ZNF555: variants seen among roughly 807,000 people sequenced by gnomAD.
The protein encoded by ZNF555 is zinc finger protein 555.
ZNF555 carries 10 observed loss-of-function variants against 14.0 expected under a neutral mutation model. That is an observed-to-expected ratio of 0.72 (90% CI 0.44 to 1.21). The LOEUF is 1.21. ZNF555 is among the 50% of genes most tolerant of loss of function. The probability of loss-of-function intolerance (pLI) is 0.00; values close to 1 mark genes in which losing one functional copy is unlikely to be tolerated. For synonymous variants in ZNF555, 277 were observed against 262.4 expected, an observed-to-expected ratio of 1.06 and a Z score of -0.54; for missense variants, 747 against 762.0, an observed-to-expected ratio of 0.98 and a Z score of 0.23.
In ZNF555 at chr19:2,854,169, TTTTA is replaced by T; in HGVS notation, c.*222_*225del. 1 of 550,022 alleles carries T rather than the reference TTTTA, an allele frequency of 1.8e-6. No individual in the cohort carries two copies. The highest frequency in any genetic ancestry group is 3.1e-6 in the Non-Finnish European group (1 of 319,108). 34.1% of individuals were successfully genotyped at this position (550,022 alleles called of 1,614,324 possible). A position where few individuals can be genotyped will look rare whatever the true frequency, so the allele number is the denominator to read the frequency against. On this transcript the variant is annotated 3_prime_UTR_variant, in exon 4 of 4. Transcript: ENST00000334241. ...TTTTTAATATGCAAGTAGGTTCAAGTTTTATTTAATTTCTTAAATTGTAACTGAC... is the reference window on the plus strand; with the variant it reads ...TTTTTAATATGCAAGTAGGTTCAAGTTTTAATTTCTTAAATTGTAACTGAC...
chr19:2,852,849 G>A lies in ZNF555; in HGVS notation c.784G>A (p.Gly262Arg), dbSNP rs1357406721. 6.2e-7 allele frequency: 1 copy of A among 1,614,190 alleles called. No individual in the cohort carries two copies. Among genetic ancestry groups the A allele is most frequent in the African/African-American group, 1.3e-5 (1 of 75,036 alleles). The change falls in exon 4 of 4, where the codon GGG (glycine) becomes AGG (arginine). Residue 262 changes from glycine (G) to arginine (R), a missense_variant. Gly to Arg is a moderately radical substitution (Grantham distance 125, BLOSUM62 -2). Coordinates refer to ENST00000334241, the MANE Select transcript of ZNF555 (RefSeq NM_152791.5). ...GEKPYKCKEC[G>R]KAFSYSSTFR... ...GAAGCCATATAAGTGTAAGGAATGT[G>A]GGAAAGCTTTCAGTTATTCCTCAAC...
rs369537107 is a variant in ZNF555 at position 2,841,537 on chromosome 19, T to G, written c.-36T>G. On this transcript the variant is annotated 5_prime_UTR_variant, in exon 1 of 4. Transcript: ENST00000334241. Reference sequence around the variant, plus strand: ...CCTGGCGTCCCGGTTCCTGTCGCGCTCACCTGCGCCGGTAGCGAAGAAATC... The same window carrying G: ...CCTGGCGTCCCGGTTCCTGTCGCGCGCACCTGCGCCGGTAGCGAAGAAATC... The G allele has an allele frequency of 4.5e-6, 7 of 1,544,342 alleles. No homozygotes were observed. In the South Asian group the frequency reaches 4.8e-5, roughly 11 times the overall value.
At position 2,853,810 on chromosome 19, in the gene ZNF555, A is replaced by G; in HGVS notation, c.1745A>G (p.His582Arg). 3 of 1,613,320 alleles carry G rather than the reference A, an allele frequency of 1.9e-6. No individual in the cohort carries two copies. Among genetic ancestry groups the G allele is most frequent in the Non-Finnish European group, 2.5e-6 (3 of 1,179,632 alleles). The change falls in exon 4 of 4, where the codon CAT becomes CGT. Residue 582 changes from histidine to arginine, a missense_variant. Physicochemically the swap from His to Arg is conservative, Grantham distance 29. Coordinates refer to ENST00000334241, the MANE Select transcript of ZNF555 (RefSeq NM_152791.5). ...AFNCSSSLRR[H>R]VRIHTTEKQY... ...AATTGTTCCTCATCCTTAAGGCGAC[A>G]TGTGAGAATACACACTACAGAAAAA...
Position 2,854,756 on chromosome 19 carries a change from T to G in ZNF555, c.*804T>G, listed in dbSNP as rs193110170. Reference sequence around the variant, plus strand: ...ACACTTAAGTGCTTGATTTCCACTGTGTCAGAGGTGTAGTCTTCCTCAGAC... The same window carrying G: ...ACACTTAAGTGCTTGATTTCCACTGGGTCAGAGGTGTAGTCTTCCTCAGAC... On this transcript the variant is annotated 3_prime_UTR_variant, in exon 4 of 4. Coordinates refer to ENST00000334241, the MANE Select transcript of ZNF555 (RefSeq NM_152791.5). 1 of 152,336 alleles carries G rather than the reference T, an allele frequency of 6.6e-6. No individual in the cohort carries two copies. Among genetic ancestry groups the G allele is most frequent in the East Asian group, 1.9e-4 (1 of 5,186 alleles). The allele number at this position is 152,336 out of a possible 1,614,324, so 9.4% of individuals were successfully genotyped here. A position where few individuals can be genotyped will look rare whatever the true frequency, so the allele number is the denominator to read the frequency against.
rs1225288189 is a variant in ZNF555, at chr19:2,856,153, T to C, written c.*2201T>C. On this transcript the variant is annotated 3_prime_UTR_variant, in exon 4 of 4. Coordinates refer to ENST00000334241, the MANE Select transcript of ZNF555 (RefSeq NM_152791.5). ...ACCAAGTATATACAAATACAGGTATTTTTTCATATAAATGTTATTTTTAAT... is the reference window on the plus strand; with the variant it reads ...ACCAAGTATATACAAATACAGGTATCTTTTCATATAAATGTTATTTTTAAT... The C allele has an allele frequency of 6.6e-6, 1 of 152,194 alleles. No homozygotes were observed. 9.4% of individuals were successfully genotyped at this position (152,194 alleles called of 1,614,324 possible).
In ZNF555 at chr19:2,853,232, T is replaced by G. The variant is rs1248031512; in HGVS notation, c.1167T>G (p.Thr389=). The change falls in exon 4 of 4, where the codon ACT becomes ACG. Residue 389 remains threonine, a synonymous_variant. Coordinates refer to ENST00000334241, the MANE Select transcript of ZNF555 (RefSeq NM_152791.5). ...AGTCCTTTCGAAGACATGAAAGGAC[T>G]CATGGTGGAGAGAAACCCTATGAAT... ...YPQSFRRHER[T]HGGEKPYECN... The G allele has an allele frequency of 1.2e-6, 2 of 1,612,686 alleles. No homozygotes were observed. The highest frequency in any genetic ancestry group is 1.3e-5 in the African/African-American group (1 of 74,348).
rs774043525 is a variant in ZNF555 at position 2,852,918 on chromosome 19, A to G, written c.853A>G (p.Lys285Glu). Residue 285 changes from lysine (K) to glutamate (E), a missense_variant, in exon 4 of 4, where the codon AAA becomes GAA. Transcript: ENST00000334241. ...TITHTGEKPY[K>E]CKECAEAFSY... ...AACACACACTGGCGAGAAGCCATAT[A>G]AATGTAAGGAATGTGCGGAAGCCTT... The G allele has an allele frequency of 6.2e-7, 1 of 1,614,206 alleles. No individual in the cohort carries two copies. The highest frequency in any genetic ancestry group is 8.5e-7 in the Non-Finnish European group (1 of 1,180,038).
chr19:2,850,850 T>G, intron 2 of ZNF555, 137 bp downstream of exon 2: 3 of 1,081,642 alleles, frequency 2.8e-6, no homozygotes, highest in Non-Finnish European at 4.0e-6. Flanking sequence ...ACAGCTGTCA[T>G]AGAGCTAGAA....
chr19:2,841,989 CCCCCGGGA>C (rs2144839778), intron 1 of ZNF555, among the ~76,000 whole-genome samples: 1 of 152,078 alleles, frequency 6.6e-6, no homozygotes, highest in East Asian at 1.9e-4. Flanking sequence ...GGTCCAGGCT[CCCCCGGGA>C]CCCGCCCTGG....
intron 1 of ZNF555, among the ~76,000 whole-genome samples, chr19:2,842,299 G>GA (rs1012271672): frequency 1.3e-5 from 2 of 151,936 alleles, no homozygotes; most frequent in Admixed American, 6.6e-5. Flanking sequence ...TAGGTAAGGG[G>GA]AAAAAAAACA....
Position 2,850,711 on chromosome 19 carries a change from T to A in ZNF555, c.128T>A (p.Val43Glu). The part of the protein sequence containing the change: ...MLETFQNLAS[V>E]DDETQFKASG... ...GAGACCTTTCAGAACCTGGCCTCAGTAGGTAAGGATGACATCATTCCTTCC... is the reference window on the plus strand; with the variant it reads ...GAGACCTTTCAGAACCTGGCCTCAGAAGGTAAGGATGACATCATTCCTTCC... The change falls in exon 2 of 4, where the codon GTA (valine) becomes GAA (glutamate). Residue 43 changes from valine to glutamate, a missense_variant and splice_region_variant. Coordinates refer to ENST00000334241, the MANE Select transcript of ZNF555 (RefSeq NM_152791.5). The A allele has an allele frequency of 6.2e-7, 1 of 1,613,344 alleles. No individual in the cohort carries two copies. Among genetic ancestry groups the A allele is most frequent in the East Asian group, 2.2e-5 (1 of 44,836 alleles).
At chr19:2,849,895 C>T (rs1020237237) in intron 1 of ZNF555, among the ~76,000 whole-genome samples, 1 of 152,014 alleles carries the variant, frequency 6.6e-6, no homozygotes, top group Non-Finnish European at 1.5e-5. Context: ...AGAGAGCCAG[C>T]GTGTGAGAGA....
rs759077302 is a variant in ZNF555 at position 2,853,011 on chromosome 19, G to C, written c.946G>C (p.Glu316Gln). The change falls in exon 4 of 4, where the codon GAA becomes CAA. Residue 316 changes from glutamate (E) to glutamine (Q), a missense_variant. Transcript: ENST00000334241. Reference protein sequence around the residue: ...HTGEKPHKCKECGEAFSYSSA... With the variant: ...HTGEKPHKCKQCGEAFSYSSA... Reference sequence around the variant, plus strand: ...TGGAGAGAAGCCACATAAATGTAAAGAATGTGGGGAGGCCTTCAGTTATTC... The same window carrying C: ...TGGAGAGAAGCCACATAAATGTAAACAATGTGGGGAGGCCTTCAGTTATTC... 6.2e-7 allele frequency: 1 copy of C among 1,613,954 alleles called. No homozygotes were observed. Among genetic ancestry groups the C allele is most frequent in the Non-Finnish European group, 8.5e-7 (1 of 1,179,988 alleles).
At position 2,853,294 on chromosome 19, in the gene ZNF555, C is replaced by A; in HGVS notation, c.1229C>A (p.Ser410Tyr). 1 of 1,614,136 alleles carries A rather than the reference C, an allele frequency of 6.2e-7. No individual in the cohort carries two copies. The highest frequency in any genetic ancestry group is 8.5e-7 in the Non-Finnish European group (1 of 1,180,004). Residue 410 changes from serine (S) to tyrosine (Y), a missense_variant, in exon 4 of 4, where the codon TCC (serine) becomes TAC (tyrosine). Transcript: ENST00000334241. Reference protein sequence around the residue: ...QCGKAFSHPSSFRGHMRVHTG... With the variant: ...QCGKAFSHPSYFRGHMRVHTG... ...GGGAAAGCATTCAGTCACCCCTCCT[C>A]CTTTCGAGGACACATGAGGGTGCAC...
In ZNF555 at chr19:2,855,297, G is replaced by A. The variant is rs2087674251; in HGVS notation, c.*1345G>A. ...GAAATATCCTGTTTAGCTGGGCACAGTAGCTCATGCCTGTAATCCCTGCAC... is the reference window on the plus strand; with the variant it reads ...GAAATATCCTGTTTAGCTGGGCACAATAGCTCATGCCTGTAATCCCTGCAC... On this transcript the variant is annotated 3_prime_UTR_variant, in exon 4 of 4. Coordinates refer to ENST00000334241, the MANE Select transcript of ZNF555 (RefSeq NM_152791.5). 6.6e-6 allele frequency: 1 copy of A among 152,216 alleles called. No individual in the cohort carries two copies. Among genetic ancestry groups the A allele is most frequent in the South Asian group, 2.1e-4 (1 of 4,830 alleles). The allele number at this position is 152,216 out of a possible 1,614,324, so 9.4% of individuals were successfully genotyped here. A position where few individuals can be genotyped will look rare whatever the true frequency, so the allele number is the denominator to read the frequency against.
chr19:2,850,855 C>T, intron 2 of ZNF555, 142 bp downstream of exon 2: 2 of 1,037,770 alleles, frequency 1.9e-6, no homozygotes, highest in Non-Finnish European at 2.8e-6. Flanking sequence ...TGTCATAGAG[C>T]TAGAATGTAA....
chr19:2,851,600 G>C lies in ZNF555; in HGVS notation c.263G>C (p.Trp88Ser), dbSNP rs374090245. Reference protein sequence around the residue: ...VSWASVLGKIWDSLSIEDQTT... With the variant: ...VSWASVLGKISDSLSIEDQTT... Reference sequence around the variant, plus strand: ...TGGGCCTCTGTTTTAGGAAAAATTTGGGACAGTCTTAGCATCGAAGATCAA... The same window carrying C: ...TGGGCCTCTGTTTTAGGAAAAATTTCGGACAGTCTTAGCATCGAAGATCAA... Residue 88 changes from tryptophan (W) to serine (S), a missense_variant, in exon 3 of 4, where the codon TGG (tryptophan) becomes TCG (serine). By Grantham distance (177) the Trp-to-Ser change is radical (BLOSUM62 -3). Coordinates refer to ENST00000334241, the MANE Select transcript of ZNF555 (RefSeq NM_152791.5). 1.2e-6 allele frequency: 2 copies of C among 1,611,156 alleles called. No homozygotes were observed. The highest frequency in any genetic ancestry group is 2.7e-5 in the African/African-American group (2 of 74,734).
chr19:2,859,179 G>A lies in ZNF555; in HGVS notation c.*5227G>A, dbSNP rs1336373128. The A allele has an allele frequency of 6.6e-6, 1 of 152,258 alleles. No individual in the cohort carries two copies. Among genetic ancestry groups the A allele is most frequent in the Non-Finnish European group, 1.5e-5 (1 of 68,062 alleles). The allele number at this position is 152,258 out of a possible 1,614,324, so 9.4% of individuals were successfully genotyped here. ...GCGTCTAAAAGAGCTGTGCTTTGTT[G>A]GGGCTATCTGGGAGTTTCCGCCTTC... On this transcript the variant is annotated 3_prime_UTR_variant, in exon 4 of 4. Transcript: ENST00000334241.
At chr19:2,844,087 C>CTG in intron 1 of ZNF555, among the ~76,000 whole-genome samples, 1 of 85,298 alleles carries the variant, frequency 1.2e-5, no homozygotes, top group Non-Finnish European at 2.6e-5. Flanking sequence ...TCCTTTCTCT[C>CTG]TCTCTCTTTT....
Sources: gnomAD v4.1 joint callset for allele counts (sites outside exome capture counted in the v4.1 genomes callset) on GRCh38, gnomAD v4.1.1 for gene constraint, MANE v1.5 for transcripts, NCBI Gene and HGNC (gene_info 2026-07-23, HGNC 2026-07-21) for gene names.